PPM1L: variants seen among roughly 807,000 people sequenced by gnomAD.
The protein encoded by PPM1L is protein phosphatase 1L.
In PPM1L, 13 loss-of-function variants were observed where a neutral mutation model predicts 31.4. The ratio of observed to expected loss-of-function variants is 0.41; its 90% CI spans 0.27 to 0.66. The LOEUF (loss-of-function observed/expected upper bound fraction) is 0.66. PPM1L is among the 30% of genes least tolerant of loss of function. The pLI, the probability that PPM1L is intolerant of heterozygous loss-of-function variation, is 0.29. For synonymous variants in PPM1L, 184 were observed against 175.4 expected (o/e 1.05, Z -0.39); for missense variants, 326 against 453.7 (o/e 0.72, Z 2.56).
chr3:160,922,424 T>C (rs1714446885), intron 1 of PPM1L, among the ~76,000 whole-genome samples: 1 of 152,198 alleles, frequency 6.6e-6, no homozygotes, highest in African/African-American at 2.4e-5. Flanking sequence ...CATTGAGTCT[T>C]ATATGTTCCT....
chr3:160,886,200 G>A (rs1251130927), intron 1 of PPM1L, among the ~76,000 whole-genome samples: 1 of 152,138 alleles, frequency 6.6e-6, no homozygotes, highest in East Asian at 1.9e-4. Context: ...GACAGAACAC[G>A]GATCTCCCTG....
Position 161,058,118 on chromosome 3 carries a change from CTT to C in PPM1L, c.575-7262_575-7261del, listed in dbSNP as rs1186931971. Among the ~76,000 whole-genome samples, 279 of 54,902 alleles carry C rather than the reference CTT, an allele frequency of 5.1e-3. 3 individuals are homozygous for C. The highest frequency in any genetic ancestry group is 0.033 in the Middle Eastern group (1 of 30). 36.0% of individuals were successfully genotyped at this position (54,902 alleles called of 152,430 possible). On this transcript the variant is annotated intron_variant, in intron 2 of 3. Coordinates refer to ENST00000498165, the MANE Select transcript of PPM1L (RefSeq NM_139245.4). ...TTAGTAGGGTCCATCATTTTCTTTC[CTT>C]TTTTTTTTTTTTTTTTTTTTTTGAC...
intron 2 of PPM1L, among the ~76,000 whole-genome samples, chr3:161,003,669 T>A (rs9755360): frequency 1.3e-5 from 2 of 151,904 alleles, no homozygotes; most frequent in Admixed American, 1.3e-4. Context: ...AGAAGGCTTG[T>A]GATTTTTGTA....
intron 1 of PPM1L, among the ~76,000 whole-genome samples, chr3:160,894,950 GT>G (rs1451027137): frequency 7.2e-5 from 11 of 151,966 alleles, no homozygotes; most frequent in Non-Finnish European, 1.6e-4. Context: ...TTTTTACTGA[GT>G]TATATATCTT....
intron 1 of PPM1L, among the ~76,000 whole-genome samples, chr3:160,881,560 C>G (rs17826388): frequency 0.027 from 4,125 of 152,274 alleles, 85 homozygotes; most frequent in Middle Eastern, 0.034. Flanking sequence ...TCCAGCATGA[C>G]TCCAGTTTTC....
chr3:160,787,513 A>G (rs1317292501), intron 1 of PPM1L, among the ~76,000 whole-genome samples: 6 of 152,070 alleles, frequency 3.9e-5, no homozygotes, highest in Admixed American at 3.3e-4. Context: ...TTGGATGTGT[A>G]GTTTGCAAAT....
chr3:160,901,790 CA>C (rs1401941273), intron 1 of PPM1L, among the ~76,000 whole-genome samples: 1 of 152,108 alleles, frequency 6.6e-6, no homozygotes, highest in Non-Finnish European at 1.5e-5. Flanking sequence ...GAATTCTGAT[CA>C]GACCAATTAT....
chr3:160,923,506 T>C (rs1714482560), intron 1 of PPM1L, among the ~76,000 whole-genome samples: 1 of 152,308 alleles, frequency 6.6e-6, no homozygotes, highest in South Asian at 2.1e-4. Context: ...TTGAGTGGCA[T>C]ATGCAACTGG....
In PPM1L at chr3:161,074,050, A is replaced by G. The variant is rs1413640103; in HGVS notation, c.*4893A>G. The G allele has an allele frequency of 6.6e-6, 1 of 152,252 alleles. No individual in the cohort carries two copies. Among genetic ancestry groups the G allele is most frequent in the African/African-American group, 2.4e-5 (1 of 41,470 alleles). The allele number at this position is 152,252 out of a possible 1,614,324, so 9.4% of individuals were successfully genotyped here. A position where few individuals can be genotyped will look rare whatever the true frequency, so the allele number is the denominator to read the frequency against. ...ATACAGAAAATCACAGAAAAGGAAA[A>G]ACAGAAATTTGATTTTAATTCACTT... On this transcript the variant is annotated 3_prime_UTR_variant, in exon 4 of 4. Transcript: ENST00000498165.
At chr3:160,986,765 C>T (rs1042487678) in intron 2 of PPM1L, among the ~76,000 whole-genome samples, 1 of 152,158 alleles carries the variant, frequency 6.6e-6, no homozygotes, top group East Asian at 1.9e-4. Context: ...TTAATTCATA[C>T]TTCAGAGTCT....
intron 1 of PPM1L, among the ~76,000 whole-genome samples, chr3:160,760,850 C>T (rs1251137317): frequency 1.3e-5 from 2 of 151,910 alleles, no homozygotes. Context: ...GAGCACTACT[C>T]TATTAAAGGT....
intron 1 of PPM1L, among the ~76,000 whole-genome samples, chr3:160,815,515 C>A (rs1215587795): frequency 6.6e-6 from 1 of 152,070 alleles, no homozygotes. Flanking sequence ...ATTAAAGGTG[C>A]TGAGGAGCCT....
chr3:160,978,668 A>C (rs1178143136), intron 2 of PPM1L, among the ~76,000 whole-genome samples: 2 of 151,944 alleles, frequency 1.3e-5, no homozygotes, highest in African/African-American at 4.8e-5. Flanking sequence ...CATTTCTATA[A>C]AAATAAGAAA....
intron 1 of PPM1L, among the ~76,000 whole-genome samples, chr3:160,899,067 G>C (rs78842574): frequency 6.6e-6 from 1 of 152,010 alleles, no homozygotes; most frequent in Non-Finnish European, 1.5e-5. Context: ...TCCAGATACT[G>C]TGCTGGGTGT....
At chr3:160,887,676 G>A (rs564156806) in intron 1 of PPM1L, among the ~76,000 whole-genome samples, 1 of 151,226 alleles carries the variant, frequency 6.6e-6, no homozygotes, top group African/African-American at 2.4e-5. Context: ...CACCTCCCAG[G>A]TTCACCCCAT....
At chr3:160,784,934 A>C (rs182015713) in intron 1 of PPM1L, among the ~76,000 whole-genome samples, 1 of 152,346 alleles carries the variant, frequency 6.6e-6, no homozygotes, top group East Asian at 1.9e-4. Flanking sequence ...ATTGTTTGGG[A>C]AAGAGTATGT....
intron 2 of PPM1L, among the ~76,000 whole-genome samples, chr3:161,014,503 C>G (rs1415390259): frequency 1.6e-5 from 2 of 124,336 alleles, no homozygotes; most frequent in East Asian, 2.4e-4. Flanking sequence ...TAGATGGAGT[C>G]TTGCTCTGTC....
intron 2 of PPM1L, among the ~76,000 whole-genome samples, chr3:160,991,019 GAA>G (rs1717115097): frequency 6.7e-6 from 1 of 150,046 alleles, no homozygotes; most frequent in Non-Finnish European, 1.5e-5. Context: ...CACATTGGAA[GAA>G]GAAGAATTGT....
chr3:160,872,595 C>G (rs986558523), intron 1 of PPM1L, among the ~76,000 whole-genome samples: 1 of 152,136 alleles, frequency 6.6e-6, no homozygotes, highest in Non-Finnish European at 1.5e-5. Flanking sequence ...AAGAAAAACA[C>G]TAAATACACT....
Sources: gnomAD v4.1 joint callset for allele counts (sites outside exome capture counted in the v4.1 genomes callset) on GRCh38, gnomAD v4.1.1 for gene constraint, MANE v1.5 for transcripts, NCBI Gene and HGNC (gene_info 2026-07-23, HGNC 2026-07-21) for gene names.